The following GALNTL6 variants were observed in gnomAD, a reference collection of about 807,000 sequenced individuals.
GALNTL6 encodes polypeptide N-acetylgalactosaminyltransferase-like 6.
GALNTL6 carries 46 observed loss-of-function variants against 73.7 expected under a neutral mutation model. That is an observed-to-expected ratio of 0.62 (90% CI 0.49 to 0.80). The LOEUF is 0.80. GALNTL6 is among the 30% of genes least tolerant of loss of function. The pLI is 0.00. For missense variants in GALNTL6, 604 were observed against 755.0 expected (o/e 0.80, Z 2.34); for synonymous variants, 259 against 263.7 (o/e 0.98, Z 0.17).
intron 2 of GALNTL6, among the ~76,000 whole-genome samples, chr4:171,821,214 AT>A (rs552092925): frequency 6.6e-6 from 1 of 151,696 alleles, no homozygotes; most frequent in Non-Finnish European, 1.5e-5. Context: ...TTTTTAAAAA[AT>A]TTTTTTTGTA....
At chr4:172,957,315 A>C (rs1749797853) in intron 10 of GALNTL6, among the ~76,000 whole-genome samples, 2 of 152,140 alleles carry the variant, frequency 1.3e-5, no homozygotes, top group Admixed American at 1.3e-4. Context: ...TACATGGAAG[A>C]GGTTATGAAA....
At chr4:172,170,515 T>TTG (rs1375325319) in intron 2 of GALNTL6, among the ~76,000 whole-genome samples, 2 of 149,458 alleles carry the variant, frequency 1.3e-5, no homozygotes, top group Non-Finnish European at 3.0e-5. Context: ...GTGGTTTTTT[T>TTG]TTTTTTTTTT....
intron 5 of GALNTL6, among the ~76,000 whole-genome samples, chr4:172,658,757 T>C (rs1731218289): frequency 6.6e-6 from 1 of 152,214 alleles, no homozygotes; most frequent in Non-Finnish European, 1.5e-5. Flanking sequence ...TTTAAAGTTC[T>C]GAAAATCATG....
intron 5 of GALNTL6, among the ~76,000 whole-genome samples, chr4:172,482,395 G>T (rs1401204603): frequency 1.3e-5 from 2 of 152,270 alleles, no homozygotes; most frequent in African/African-American, 4.8e-5. Flanking sequence ...CGCTGAGAGC[G>T]AGAGAGGGCC....
At chr4:172,352,998 G>C (rs1741993151) in intron 5 of GALNTL6, among the ~76,000 whole-genome samples, 2 of 152,030 alleles carry the variant, frequency 1.3e-5, no homozygotes, top group Non-Finnish European at 2.9e-5. Context: ...CCAAATTGTG[G>C]TGCATGGACC....
intron 10 of GALNTL6, among the ~76,000 whole-genome samples, chr4:172,955,928 G>A (rs962561900): frequency 2.0e-5 from 3 of 152,154 alleles, no homozygotes; most frequent in African/African-American, 7.2e-5. Context: ...AATGTCATCA[G>A]TTAAGGCAGG....
chr4:172,795,934 AAAT>A (rs1164665348), intron 5 of GALNTL6, among the ~76,000 whole-genome samples: 2 of 151,468 alleles, frequency 1.3e-5, no homozygotes, highest in Non-Finnish European at 2.9e-5. Context: ...GACGTATTTA[AAAT>A]AATACATATA....
chr4:172,306,397 G>GAATA (rs1000118739), intron 3 of GALNTL6, among the ~76,000 whole-genome samples: 45 of 151,800 alleles, frequency 3.0e-4, no homozygotes, highest in Admixed American at 2.0e-3. Flanking sequence ...TCCAATAAAT[G>GAATA]AATAAATAAA....
chr4:172,653,526 C>G (rs538477474), intron 5 of GALNTL6, among the ~76,000 whole-genome samples: 1 of 152,098 alleles, frequency 6.6e-6, no homozygotes, highest in African/African-American at 2.4e-5. Context: ...CGGCCTTATT[C>G]TTTTTACATG....
chr4:172,048,408 C>A (rs1328525754), intron 2 of GALNTL6, among the ~76,000 whole-genome samples: 1 of 152,152 alleles, frequency 6.6e-6, no homozygotes, highest in Non-Finnish European at 1.5e-5. Context: ...TCCTGCATCT[C>A]TGAAGCAAAA....
At chr4:172,383,899 A>G (rs1161831077) in intron 5 of GALNTL6, among the ~76,000 whole-genome samples, 1 of 152,018 alleles carries the variant, frequency 6.6e-6, no homozygotes, top group Admixed American at 6.6e-5. Context: ...TATTAATATG[A>G]TGTGTTATCC....
At chr4:172,508,668 A>G (rs1840426) in intron 5 of GALNTL6, among the ~76,000 whole-genome samples, 34,989 of 52,612 alleles carry the variant, frequency 0.67, 16,949 homozygotes, top group Non-Finnish European at 0.99. Context: ...TTGGTTTTCC[A>G]TTCCTGAGTT....
intron 2 of GALNTL6, among the ~76,000 whole-genome samples, chr4:172,217,947 C>T (rs1736546959): frequency 6.6e-6 from 1 of 151,960 alleles, no homozygotes; most frequent in East Asian, 1.9e-4. Flanking sequence ...TTTCATGTCC[C>T]CTTTGTATTT....
chr4:172,057,755 T>TAA (rs1731074212), intron 2 of GALNTL6, among the ~76,000 whole-genome samples: 1 of 138,350 alleles, frequency 7.2e-6, no homozygotes, highest in Non-Finnish European at 1.5e-5. Flanking sequence ...TATATATATA[T>TAA]ATAAATCAAG....
At chr4:172,996,314 C>T (rs971174170) in intron 10 of GALNTL6, among the ~76,000 whole-genome samples, 3 of 152,008 alleles carry the variant, frequency 2.0e-5, no homozygotes, top group South Asian at 2.1e-4. Context: ...TACATGTTCT[C>T]ACTTACAAGT....
intron 2 of GALNTL6, among the ~76,000 whole-genome samples, chr4:172,077,692 A>C (rs1395096369): frequency 6.6e-6 from 1 of 152,212 alleles, no homozygotes; most frequent in African/African-American, 2.4e-5. Context: ...ACCTAGCCAT[A>C]TGGTAGAAAA....
intron 10 of GALNTL6, among the ~76,000 whole-genome samples, chr4:172,954,034 C>A (rs762251245): frequency 6.6e-5 from 10 of 152,080 alleles, no homozygotes; most frequent in Admixed American, 3.3e-4. Context: ...TATGATGATT[C>A]AAATGCTGTC....
rs577508055 is a variant in GALNTL6, at chr4:172,658,013, A to G, written c.554-151348A>G. Among the ~76,000 whole-genome samples the G allele has an allele frequency of 3.0e-3, 427 of 144,732 alleles. 1 individual carries two copies. Among genetic ancestry groups the G allele is most frequent in the Middle Eastern group, 0.014 (4 of 284 alleles). The allele number at this position is 144,732 out of a possible 152,430, so 94.9% of individuals were successfully genotyped here. A position where few individuals can be genotyped will look rare whatever the true frequency, so the allele number is the denominator to read the frequency against. The stretch of plus-strand genomic sequence containing the variant: ...AAAATACAAAAAATTAGCCGGGCGT[A>G]GTGGCGGGCGCCTGTAGTCCCAGCT... On this transcript the variant is annotated intron_variant, in intron 5 of 12. Coordinates refer to ENST00000506823, the MANE Select transcript of GALNTL6 (RefSeq NM_001034845.3).
intron 3 of GALNTL6, among the ~76,000 whole-genome samples, chr4:172,245,633 T>C (rs181249853): frequency 1.8e-4 from 27 of 152,292 alleles, no homozygotes; most frequent in Admixed American, 3.9e-4. Context: ...AAGCAAAGCA[T>C]TGCAGTTTAG....
Sources: allele counts gnomAD v4.1 joint callset (sites outside exome capture counted in the v4.1 genomes callset), GRCh38; gene constraint gnomAD v4.1.1; transcripts MANE v1.5; gene names NCBI Gene and HGNC (gene_info 2026-07-23, HGNC 2026-07-21).